DLG2: variants seen among roughly 807,000 people sequenced by gnomAD.
The protein encoded by DLG2 is discs large MAGUK scaffold protein 2.
In DLG2, 45 loss-of-function variants were observed where a neutral mutation model predicts 132.5. The ratio of observed to expected loss-of-function variants is 0.34; its 90% confidence interval spans 0.27 to 0.44. The LOEUF is 0.44. DLG2 is among the 20% of genes least tolerant of loss of function. The pLI, the probability that DLG2 is intolerant of heterozygous loss-of-function variation, is 1.00. For synonymous variants in DLG2, 424 were observed against 419.6 expected (o/e 1.01, Z -0.13); for missense variants, 1,045 against 1,196.9 (o/e 0.87, Z 1.87).
chr11:84,240,727 A>C (rs930590686), intron 8 of DLG2, among the ~76,000 whole-genome samples: 1 of 152,188 alleles, frequency 6.6e-6, no homozygotes, highest in Non-Finnish European at 1.5e-5. Flanking sequence ...AATGTAGAAA[A>C]GGCTCAAGAG....
At chr11:84,320,048 T>A (rs75287504) in intron 7 of DLG2, among the ~76,000 whole-genome samples, 1 of 152,182 alleles carries the variant, frequency 6.6e-6, no homozygotes, top group Admixed American at 6.5e-5. Flanking sequence ...TTTGATCAAC[T>A]ATAATTGGAC....
chr11:84,541,755 C>A (rs1461823028), intron 6 of DLG2, among the ~76,000 whole-genome samples: 2 of 152,034 alleles, frequency 1.3e-5, no homozygotes, highest in African/African-American at 4.8e-5. Context: ...AATCAGAAAG[C>A]CCTCCCAGCT....
chr11:85,401,075 T>C lies in DLG2; in HGVS notation c.41-115710A>G, dbSNP rs547063222. Among the ~76,000 whole-genome samples the C allele has an allele frequency of 1.5e-4, 22 of 151,084 alleles. No homozygotes were observed. The South Asian group carries it at 3.3e-3, about 23-fold the overall frequency. On this transcript the variant is annotated intron_variant, in intron 3 of 27. Transcript: ENST00000376104. ...GGCCAATAACCCTGATGAACATTGA[T>C]GTGAAAATCCTCTATAAAATACTGG... is the stretch of plus-strand genomic sequence containing the variant.
chr11:83,888,656 A>C (rs569934668), intron 15 of DLG2, among the ~76,000 whole-genome samples: 2,050 of 152,302 alleles, frequency 0.013, 47 homozygotes, highest in African/African-American at 0.046. Context: ...ATCCTAAGCC[A>C]AAAGAACAAA....
At chr11:84,591,369 G>C (rs1036854458) in intron 6 of DLG2, among the ~76,000 whole-genome samples, 17 of 150,324 alleles carry the variant, frequency 1.1e-4, no homozygotes, top group Non-Finnish European at 1.9e-4. Flanking sequence ...GCACTTAGAA[G>C]AAAGAAAGAA....
intron 8 of DLG2, among the ~76,000 whole-genome samples, chr11:84,195,989 A>T (rs375004280): frequency 6.6e-6 from 1 of 152,228 alleles, no homozygotes; most frequent in Non-Finnish European, 1.5e-5. Flanking sequence ...TGAGGAAATA[A>T]AGAAAACAAG....
chr11:83,819,469 C>CAAAAA (rs398016925), intron 17 of DLG2, among the ~76,000 whole-genome samples: 12 of 28,106 alleles, frequency 4.3e-4, no homozygotes, highest in African/African-American at 8.9e-4. Context: ...GACTCTATCT[C>CAAAAA]AAAAAAAAAA....
intron 6 of DLG2, among the ~76,000 whole-genome samples, chr11:85,088,377 T>C (rs1469087485): frequency 2.6e-5 from 4 of 152,334 alleles, no homozygotes; most frequent in South Asian, 2.1e-4. Context: ...ACTGAGCATC[T>C]TATAAATGCT....
chr11:85,253,984 G>C (rs551476351), intron 4 of DLG2, among the ~76,000 whole-genome samples: 3 of 152,254 alleles, frequency 2.0e-5, no homozygotes, highest in African/African-American at 7.2e-5. Context: ...GCTGAGCCTT[G>C]GGTTTTTATG....
intron 3 of DLG2, among the ~76,000 whole-genome samples, chr11:85,302,426 T>C (rs965620231): frequency 1.3e-5 from 2 of 152,178 alleles, no homozygotes; most frequent in Non-Finnish European, 2.9e-5. Context: ...TACACCATCA[T>C]CTTTTAGGAA....
chr11:84,516,557 T>C (rs888426480), intron 7 of DLG2, among the ~76,000 whole-genome samples: 5 of 151,488 alleles, frequency 3.3e-5, no homozygotes, highest in African/African-American at 4.8e-5. Context: ...AACAAGGAGA[T>C]TGAATCAGTA....
chr11:83,693,061 T>C, intron 18 of DLG2: 1 of 152,218 alleles, frequency 6.6e-6, no homozygotes, highest in Admixed American at 6.5e-5. Flanking sequence ...GGCTTTAGAC[T>C]TTCTGAGAAA....
intron 4 of DLG2, among the ~76,000 whole-genome samples, chr11:85,203,281 G>A (rs1595353586): frequency 1.3e-5 from 2 of 151,548 alleles, no homozygotes; most frequent in East Asian, 3.9e-4. Flanking sequence ...TAACAAACCT[G>A]TAGCTAGATT....
At chr11:83,844,547 CA>C (rs59755957) in intron 16 of DLG2, among the ~76,000 whole-genome samples, 18,138 of 69,156 alleles carry the variant, frequency 0.26, 727 homozygotes, top group African/African-American at 0.36. Context: ...GAGTCTGTAT[CA>C]AAAAAAAAAA....
chr11:84,669,634 T>A (rs572612776), intron 6 of DLG2, among the ~76,000 whole-genome samples: 1 of 152,160 alleles, frequency 6.6e-6, no homozygotes, highest in Non-Finnish European at 1.5e-5. Context: ...CAAACCCCTT[T>A]TTCCCCCTAC....
At chr11:83,951,256 C>A (rs925271348) in intron 14 of DLG2, among the ~76,000 whole-genome samples, 1 of 151,990 alleles carries the variant, frequency 6.6e-6, no homozygotes, top group African/African-American at 2.4e-5. Context: ...ATATTCAGTA[C>A]ACAAATGTTT....
At chr11:84,841,530 T>C (rs962255859) in intron 6 of DLG2, among the ~76,000 whole-genome samples, 1 of 152,016 alleles carries the variant, frequency 6.6e-6, no homozygotes, top group African/African-American at 2.4e-5. Context: ...GTTTTTCATC[T>C]GTTTTGTTTA....
chr11:85,133,869 T>C (rs764133021), intron 5 of DLG2, among the ~76,000 whole-genome samples: 36 of 152,304 alleles, frequency 2.4e-4, no homozygotes, highest in Non-Finnish European at 2.2e-4. Context: ...GTAAAGCTGC[T>C]ACTACATAGA....
chr11:85,239,153 T>C (rs1245491169), intron 4 of DLG2, among the ~76,000 whole-genome samples: 1 of 152,056 alleles, frequency 6.6e-6, no homozygotes, highest in South Asian at 2.1e-4. Flanking sequence ...ATGGAGATAA[T>C]GAGGGTTACA....
Sources: gnomAD v4.1 joint callset for allele counts (sites outside exome capture counted in the v4.1 genomes callset) on GRCh38, gnomAD v4.1.1 for gene constraint, MANE v1.5 for transcripts, NCBI Gene and HGNC (gene_info 2026-07-23, HGNC 2026-07-21) for gene names.